The following SLIT2 variants were observed in gnomAD, a reference collection of about 807,000 sequenced individuals.
SLIT2 encodes slit homolog 2 protein.
A neutral mutation model predicts 185.7 loss-of-function variants in SLIT2; 41 were observed. The observed-to-expected ratio is 0.22, with a 90% CI of 0.17 to 0.29. SLIT2 has a LOEUF of 0.29. Among genes scored for constraint, SLIT2 ranks in the 10% least tolerant of loss-of-function variants. The pLI, the probability that SLIT2 is intolerant of heterozygous loss-of-function variation, is 1.00. For missense variants in SLIT2, 1,571 were observed against 1,909.0 expected, an observed-to-expected ratio of 0.82 and a Z score of 3.30; for synonymous variants, 693 against 680.2, an observed-to-expected ratio of 1.02 and a Z score of -0.29.
chr4:20,361,053 T>C (rs1327685218), intron 4 of SLIT2, among the ~76,000 whole-genome samples: 1 of 152,208 alleles, frequency 6.6e-6, no homozygotes, highest in Non-Finnish European at 1.5e-5. Flanking sequence ...ATGTTCAATA[T>C]TTGATATTTC....
chr4:20,521,901 C>T (rs1720874455), intron 12 of SLIT2, among the ~76,000 whole-genome samples: 1 of 152,134 alleles, frequency 6.6e-6, no homozygotes, highest in African/African-American at 2.4e-5. Flanking sequence ...GATAATGAGG[C>T]ATACCCAAAC....
At chr4:20,372,617 A>G (rs1343124839) in intron 4 of SLIT2, among the ~76,000 whole-genome samples, 1 of 151,836 alleles carries the variant, frequency 6.6e-6, no homozygotes, top group Non-Finnish European at 1.5e-5. Flanking sequence ...GAAGGACCCT[A>G]TTTTCCATTT....
At chr4:20,490,753 C>T (rs929280399) in intron 8 of SLIT2, 8 of 1,276,678 alleles carry the variant, frequency 6.3e-6, no homozygotes, top group East Asian at 2.5e-5. Flanking sequence ...ACTAACAGTT[C>T]GTTACTAACC....
At chr4:20,550,360 A>G (rs932522574) in intron 24 of SLIT2, among the ~76,000 whole-genome samples, 1 of 142,862 alleles carries the variant, frequency 7.0e-6, no homozygotes, top group Non-Finnish European at 1.6e-5. Flanking sequence ...ACTTTACTCT[A>G]TGCTTGCAGG....
At chr4:20,548,953 C>T (rs1270877652) in intron 23 of SLIT2, 104 bp from the exon 24 acceptor site, 3 of 684,262 alleles carry the variant, frequency 4.4e-6, no homozygotes, top group Non-Finnish European at 8.0e-6. Context: ...TTAACACTAT[C>T]AGTTAATAAG....
chr4:20,468,051 T>C (rs1215553934), intron 5 of SLIT2, among the ~76,000 whole-genome samples: 1 of 152,130 alleles, frequency 6.6e-6, no homozygotes, highest in Non-Finnish European at 1.5e-5. Context: ...CATTCTTTAA[T>C]CCTTGTGATT....
chr4:20,312,428 T>C (rs17608912), intron 4 of SLIT2, among the ~76,000 whole-genome samples: 47 of 152,134 alleles, frequency 3.1e-4, no homozygotes, highest in Non-Finnish European at 6.0e-4. Context: ...TAATTCATAT[T>C]GATAAAGTGT....
chr4:20,386,170 CTT>C (rs775995741), intron 4 of SLIT2, among the ~76,000 whole-genome samples: 14 of 152,126 alleles, frequency 9.2e-5, no homozygotes, highest in Non-Finnish European at 1.3e-4. Flanking sequence ...CTTGTTGACT[CTT>C]TTTGCATGTA....
intron 8 of SLIT2, among the ~76,000 whole-genome samples, chr4:20,491,185 AATT>A (rs1271640988): frequency 1.3e-5 from 2 of 152,300 alleles, no homozygotes; most frequent in East Asian, 3.9e-4. Flanking sequence ...ACTTTATACA[AATT>A]ATTATTATGA....
At chr4:20,265,668 TG>T (rs1712962445) in intron 3 of SLIT2, among the ~76,000 whole-genome samples, 1 of 151,870 alleles carries the variant, frequency 6.6e-6, no homozygotes. Context: ...TTTTTTTTTC[TG>T]AAATTTAAAA....
At chr4:20,604,836 TA>T (rs1728664882) in intron 33 of SLIT2, among the ~76,000 whole-genome samples, 1 of 149,000 alleles carries the variant, frequency 6.7e-6, no homozygotes, top group Admixed American at 6.8e-5. Context: ...CCAGATACTT[TA>T]ATTTTTTTTT....
At chr4:20,410,484 G>A (rs1448262801) in intron 4 of SLIT2, among the ~76,000 whole-genome samples, 1 of 151,270 alleles carries the variant, frequency 6.6e-6, no homozygotes, top group Non-Finnish European at 1.5e-5. Flanking sequence ...TCGAACTCCT[G>A]ACTAGGTGAT....
In SLIT2 at chr4:20,528,377, T is replaced by C. The variant is rs1480192544; in HGVS notation, c.1463-572T>C. 1 of 533,932 alleles carries C rather than the reference T, an allele frequency of 1.9e-6. No individual in the cohort carries two copies. Among genetic ancestry groups the C allele is most frequent in the Non-Finnish European group, 3.9e-6 (1 of 259,622 alleles). The allele number at this position is 533,932 out of a possible 1,614,324, so 33.1% of individuals were successfully genotyped here. ...CAAGCACCATGGAACGTCACGCAGC[T>C]TTCTACAGCATGACAAGCTGCTGAG... On this transcript the variant is annotated intron_variant, in intron 15 of 36. Coordinates refer to ENST00000504154, the MANE Select transcript of SLIT2 (RefSeq NM_004787.4). This position sits in a 1 kb window ranked among gnomAD's most constrained non-coding sequence, Gnocchi z 4.2.
intron 4 of SLIT2, among the ~76,000 whole-genome samples, chr4:20,319,720 A>G (rs1277108250): frequency 1.3e-5 from 2 of 151,930 alleles, no homozygotes; most frequent in African/African-American, 2.4e-5. Flanking sequence ...ATATATTTCC[A>G]TCTTAGTTAT....
intron 29 of SLIT2, among the ~76,000 whole-genome samples, chr4:20,574,702 G>A (rs1175352158): frequency 1.1e-4 from 17 of 150,130 alleles, no homozygotes; most frequent in Non-Finnish European, 2.9e-5. Context: ...CAGGAGAATC[G>A]CTTGAACCTA....
chr4:20,344,190 T>C (rs1345369415), intron 4 of SLIT2, among the ~76,000 whole-genome samples: 1 of 152,078 alleles, frequency 6.6e-6, no homozygotes. Context: ...CAAAGGGAAA[T>C]GTGGTGTTTT....
At chr4:20,304,911 T>C (rs889977047) in intron 4 of SLIT2, among the ~76,000 whole-genome samples, 4 of 152,188 alleles carry the variant, frequency 2.6e-5, no homozygotes, top group African/African-American at 9.7e-5. Context: ...TCAAAATGAA[T>C]GGAGAATGGT....
intron 4 of SLIT2, among the ~76,000 whole-genome samples, chr4:20,415,396 G>C (rs1285996757): frequency 1.4e-5 from 2 of 139,622 alleles, no homozygotes; most frequent in Admixed American, 7.3e-5. Context: ...GGGTGACAGA[G>C]GGAGACTCCG....
intron 4 of SLIT2, among the ~76,000 whole-genome samples, chr4:20,427,347 C>T (rs1324861368): frequency 6.6e-6 from 1 of 152,108 alleles, no homozygotes; most frequent in Non-Finnish European, 1.5e-5. Flanking sequence ...TATACATGTC[C>T]TGTAGCCTGT....
Sources: gnomAD v4.1 joint callset for allele counts (sites outside exome capture counted in the v4.1 genomes callset) on GRCh38, gnomAD v4.1.1 for gene constraint, Gnocchi (gnomAD v3.1) non-coding constraint, MANE v1.5 for transcripts, NCBI Gene and HGNC (gene_info 2026-07-23, HGNC 2026-07-21) for gene names.